Variants in C12orf42 observed in about 807,000 individuals in gnomAD.
C12orf42 encodes chromosome 12 open reading frame 42, also known as uncharacterized protein C12orf42.
A neutral mutation model predicts 21.6 loss-of-function variants in C12orf42; 25 were observed. That is an observed-to-expected ratio of 1.16 (90% confidence interval 0.84 to 1.62). C12orf42 has a LOEUF of 1.62. Ranked by LOEUF, C12orf42 falls within the 40% of genes most tolerant of loss-of-function variation. C12orf42 has a pLI of 0.00. For synonymous variants in C12orf42, 174 were observed against 175.0 expected (o/e 0.99, Z 0.05); for missense variants, 483 against 459.3 (o/e 1.05, Z -0.47).
intron 5 of C12orf42, among the ~76,000 whole-genome samples, chr12:103,303,665 T>C (rs2037984227): frequency 6.6e-6 from 1 of 152,218 alleles, no homozygotes; most frequent in Non-Finnish European, 1.5e-5. Context: ...TTCATCGAAC[T>C]CTGTTCTATG....
the C12orf42 span, among the ~76,000 whole-genome samples, chr12:103,173,997 T>C: frequency 0.015 from 2,307 of 152,294 alleles, 68 homozygotes; most frequent in African/African-American, 0.053. Context: ...AGATTATGAA[T>C]CCAAATTAGA....
chr12:103,540,873 T>C, the C12orf42 span, among the ~76,000 whole-genome samples: 2 of 152,210 alleles, frequency 1.3e-5, no homozygotes, highest in Non-Finnish European at 2.9e-5. Context: ...TTTCTTGCCT[T>C]CCTCTGAATT....
At chr12:103,445,411 T>C (rs952203915) in intron 2 of C12orf42, among the ~76,000 whole-genome samples, 2 of 152,116 alleles carry the variant, frequency 1.3e-5, no homozygotes, top group Non-Finnish European at 2.9e-5. Context: ...AATTGTTCCA[T>C]GTCCTCACCA....
At chr12:103,109,009 A>T in the C12orf42 span, among the ~76,000 whole-genome samples, 1 of 152,186 alleles carries the variant, frequency 6.6e-6, no homozygotes, top group Non-Finnish European at 1.5e-5. Context: ...ATATCATAGG[A>T]TGTTAATTCT....
the C12orf42 span, among the ~76,000 whole-genome samples, chr12:103,523,974 A>G: frequency 6.6e-5 from 10 of 152,256 alleles, no homozygotes; most frequent in Middle Eastern, 3.4e-3. Context: ...ATGTGGGGAC[A>G]TGCCAAGTGC....
At chr12:103,335,372 C>T (rs149197855) in intron 4 of C12orf42, among the ~76,000 whole-genome samples, 8 of 152,258 alleles carry the variant, frequency 5.3e-5, no homozygotes, top group African/African-American at 1.9e-4. Context: ...ATTTAAGAAC[C>T]CAGTTAAAGC....
the C12orf42 span, among the ~76,000 whole-genome samples, chr12:103,538,379 T>A: frequency 6.6e-6 from 1 of 152,210 alleles, no homozygotes; most frequent in Non-Finnish European, 1.5e-5. Context: ...TTTTATTTTA[T>A]TGACAAGCAG....
the C12orf42 span, among the ~76,000 whole-genome samples, chr12:103,219,780 T>G: frequency 6.6e-6 from 1 of 152,278 alleles, no homozygotes; most frequent in Admixed American, 6.5e-5. Context: ...GGCAAGGATG[T>G]GGACAAATAG....
chr12:103,539,341 G>A, the C12orf42 span, among the ~76,000 whole-genome samples: 24 of 148,630 alleles, frequency 1.6e-4, 1 homozygote, highest in South Asian at 5.0e-3. Context: ...GCACAGGCTT[G>A]GATTAATATT....
intron 2 of C12orf42, among the ~76,000 whole-genome samples, chr12:103,447,517 T>C (rs964065639): frequency 6.6e-6 from 1 of 151,916 alleles, no homozygotes; most frequent in African/African-American, 2.4e-5. Flanking sequence ...TGTTTGCTGA[T>C]GATATAATCA....
the C12orf42 span, chr12:103,080,976 C>A: frequency 6.6e-6 from 1 of 152,160 alleles, no homozygotes; most frequent in Admixed American, 6.5e-5. Flanking sequence ...CCAGCATCTG[C>A]GCACATAACT....
chr12:103,187,475 G>A, the C12orf42 span, among the ~76,000 whole-genome samples: 1 of 152,200 alleles, frequency 6.6e-6, no homozygotes, highest in African/African-American at 2.4e-5. Context: ...GATGACCACT[G>A]AGGTCATGCT....
chr12:103,089,154 A>G, the C12orf42 span, among the ~76,000 whole-genome samples: 3 of 149,278 alleles, frequency 2.0e-5, no homozygotes, highest in African/African-American at 7.4e-5. Flanking sequence ...TTGAGTGTGC[A>G]ATCTTCAAGA....
At chr12:103,387,510 T>C (rs1254267042) in intron 3 of C12orf42, among the ~76,000 whole-genome samples, 2 of 152,350 alleles carry the variant, frequency 1.3e-5, no homozygotes, top group African/African-American at 4.8e-5. Flanking sequence ...CCTCTATATG[T>C]GATTGTTCAG....
intron 4 of C12orf42, among the ~76,000 whole-genome samples, chr12:103,312,706 T>C (rs1282154856): frequency 6.6e-6 from 1 of 152,236 alleles, no homozygotes; most frequent in East Asian, 1.9e-4. Flanking sequence ...GTTCTTTTAA[T>C]GTGTAAGCAT....
the C12orf42 span, among the ~76,000 whole-genome samples, chr12:103,086,787 G>A: frequency 6.6e-6 from 1 of 151,970 alleles, no homozygotes; most frequent in African/African-American, 2.4e-5. Flanking sequence ...AGCCTTCTCA[G>A]TCTTCTTTCT....
the C12orf42 span, among the ~76,000 whole-genome samples, chr12:103,225,857 G>T: frequency 1.3e-5 from 2 of 152,264 alleles, no homozygotes; most frequent in Non-Finnish European, 2.9e-5. Flanking sequence ...AAGGGGATGG[G>T]CTTACCTTCC....
chr12:103,527,797 T>C, the C12orf42 span, among the ~76,000 whole-genome samples: 1 of 152,206 alleles, frequency 6.6e-6, no homozygotes, highest in Admixed American at 6.5e-5. Context: ...TTAGAATTTG[T>C]TTATGCTGAT....
At chr12:103,099,767 T>C in the C12orf42 span, among the ~76,000 whole-genome samples, 6 of 152,216 alleles carry the variant, frequency 3.9e-5, no homozygotes, top group East Asian at 1.9e-4. Flanking sequence ...AACCTGGTGA[T>C]AAAAACCCTT....
Sources: allele counts gnomAD v4.1 joint callset (sites outside exome capture counted in the v4.1 genomes callset), GRCh38; gene constraint gnomAD v4.1.1; transcripts MANE v1.5; gene names NCBI Gene and HGNC (gene_info 2026-07-23, HGNC 2026-07-21).